Variants in CERT1 observed in about 807,000 individuals in gnomAD.
The protein encoded by CERT1 is ceramide transporter 1.
Under a neutral mutation model 87.9 loss-of-function variants are expected in CERT1, and 31 were observed. The observed-to-expected ratio is 0.35, with a 90% CI of 0.27 to 0.48. The LOEUF is 0.48. Among genes scored for constraint, CERT1 ranks in the 20% least tolerant of loss-of-function variants. The pLI, the probability that CERT1 is intolerant of heterozygous loss-of-function variation, is 0.99. For synonymous variants in CERT1, 289 were observed against 250.9 expected (o/e 1.15, Z -1.44); for missense variants, 487 against 758.0 (o/e 0.64, Z 4.20).
chr5:75,439,744 T>C (rs1027905433), intron 3 of CERT1, among the ~76,000 whole-genome samples: 1 of 152,100 alleles, frequency 6.6e-6, no homozygotes, highest in Admixed American at 6.5e-5. Flanking sequence ...AGGAGCCAGA[T>C]ACAATACCTA....
intron 2 of CERT1, among the ~76,000 whole-genome samples, chr5:75,494,365 G>A (rs994484127): frequency 3.9e-5 from 6 of 152,210 alleles, no homozygotes; most frequent in African/African-American, 1.4e-4. Flanking sequence ...TTGTTGGCCA[G>A]AGTTTGGAAG....
rs1325538344 is a variant in CERT1, at chr5:75,379,297, CAAAT to C, written c.*45_*48del. 4 of 1,496,752 alleles carry C rather than the reference CAAAT, an allele frequency of 2.7e-6. No individual in the cohort carries two copies. Among genetic ancestry groups the C allele is most frequent in the South Asian group, 1.2e-5 (1 of 82,762 alleles). 92.7% of individuals were successfully genotyped at this position (1,496,752 alleles called of 1,614,324 possible). A position where few individuals can be genotyped will look rare whatever the true frequency, so the allele number is the denominator to read the frequency against. On this transcript the variant is annotated 3_prime_UTR_variant, in exon 17 of 17. Transcript: ENST00000643780. ...TTTTAGTATTGACAGTCATATTAGT[CAAAT>C]AAAGTTAAAAAAAGATAAAACATAT...
intron 2 of CERT1, 100 bp downstream of exon 2, chr5:75,505,882 T>C: frequency 1.2e-6 from 1 of 868,750 alleles, no homozygotes; most frequent in Non-Finnish European, 1.8e-6. Context: ...ACAAGGATCT[T>C]TATCTTATCC....
intron 2 of CERT1, among the ~76,000 whole-genome samples, chr5:75,496,467 A>AT (rs1342469932): frequency 6.6e-6 from 1 of 152,200 alleles, no homozygotes; most frequent in Non-Finnish European, 1.5e-5. Flanking sequence ...AATCCCATTC[A>AT]TAGGTATCTA....
Position 75,411,003 on chromosome 5 carries a change from A to G in CERT1, c.930+8T>C. On this transcript the variant is annotated splice_region_variant and intron_variant, in intron 8 of 16. Transcript: ENST00000643780. ...GTGTTTCTCTAAGATCAAAATATAA[A>G]TTCATACTTCATAATCTGGTCCTCC... 6.8e-7 allele frequency: 1 copy of G among 1,467,566 alleles called. No individual in the cohort carries two copies. The highest frequency in any genetic ancestry group is 9.4e-7 in the Non-Finnish European group (1 of 1,065,840). 90.9% of individuals were successfully genotyped at this position (1,467,566 alleles called of 1,614,324 possible). A position where few individuals can be genotyped will look rare whatever the true frequency, so the allele number is the denominator to read the frequency against.
At chr5:75,388,695 G>A (rs1170659941) in intron 12 of CERT1, among the ~76,000 whole-genome samples, 4 of 146,984 alleles carry the variant, frequency 2.7e-5, no homozygotes, top group Non-Finnish European at 6.0e-5. Context: ...GCACAAACGC[G>A]GCTCATTGCA....
chr5:75,499,634 A>G (rs551943917), intron 2 of CERT1, among the ~76,000 whole-genome samples: 2 of 152,326 alleles, frequency 1.3e-5, no homozygotes, highest in East Asian at 3.9e-4. Flanking sequence ...ACTAATACAC[A>G]CAGTTAAGGT....
At chr5:75,438,219 T>C (rs947955399) in intron 3 of CERT1, among the ~76,000 whole-genome samples, 10 of 152,186 alleles carry the variant, frequency 6.6e-5, no homozygotes, top group African/African-American at 2.4e-4. Flanking sequence ...ATCAAAGATA[T>C]CAGTACCTTT....
intron 2 of CERT1, among the ~76,000 whole-genome samples, chr5:75,465,228 G>A (rs886442566): frequency 2.6e-5 from 4 of 152,124 alleles, no homozygotes; most frequent in African/African-American, 9.7e-5. Flanking sequence ...TCAGAAAAAT[G>A]GTTGGCTGAT....
At chr5:75,453,136 A>G (rs1039497586) in intron 3 of CERT1, among the ~76,000 whole-genome samples, 1 of 152,152 alleles carries the variant, frequency 6.6e-6, no homozygotes, top group Non-Finnish European at 1.5e-5. Context: ...GTAGTGAGCA[A>G]CCATTCTAGA....
chr5:75,458,849 C>A (rs770784621), intron 3 of CERT1, among the ~76,000 whole-genome samples: 2 of 151,916 alleles, frequency 1.3e-5, no homozygotes, highest in Admixed American at 6.6e-5. Flanking sequence ...CATGCCCAGC[C>A]GAGTAATATT....
downstream of CERT1, chr5:75,374,137 T>A (rs927167700): frequency 5.3e-6 from 2 of 376,690 alleles, no homozygotes; most frequent in African/African-American, 4.3e-5. Flanking sequence ...AGCATTCAGC[T>A]TTTTTTTTTC....
chr5:75,455,496 T>TA (rs965600414), intron 3 of CERT1, among the ~76,000 whole-genome samples: 1 of 152,162 alleles, frequency 6.6e-6, no homozygotes, highest in African/African-American at 2.4e-5. Flanking sequence ...TAAAATGATT[T>TA]AAAAAATCAT....
At chr5:75,389,570 A>G (rs556534750) in intron 12 of CERT1, 22 bp downstream of exon 12, 38 of 1,588,220 alleles carry the variant, frequency 2.4e-5, no homozygotes, top group Non-Finnish European at 2.9e-5. Context: ...TTGGCAATCT[A>G]TAACATTTCA....
intron 3 of CERT1, among the ~76,000 whole-genome samples, chr5:75,446,926 G>C (rs1038998342): frequency 9.2e-5 from 14 of 152,190 alleles, no homozygotes; most frequent in African/African-American, 3.4e-4. Flanking sequence ...CAGCCAGAGG[G>C]GGAGGGACCT....
At chr5:75,445,067 C>A (rs1455942897) in intron 3 of CERT1, among the ~76,000 whole-genome samples, 1 of 152,102 alleles carries the variant, frequency 6.6e-6, no homozygotes, top group African/African-American at 2.4e-5. Flanking sequence ...CACAAAATTA[C>A]ATCTTTATAT....
intron 14 of CERT1, among the ~76,000 whole-genome samples, chr5:75,383,208 T>C (rs1027036307): frequency 9.9e-5 from 15 of 152,098 alleles, no homozygotes; most frequent in Admixed American, 9.8e-4. Flanking sequence ...GCGAATGTAA[T>C]GTGATTTTCT....
intron 3 of CERT1, among the ~76,000 whole-genome samples, chr5:75,447,581 C>T (rs1764602079): frequency 6.6e-6 from 1 of 151,880 alleles, no homozygotes; most frequent in Admixed American, 6.6e-5. Context: ...TGCCATTCTC[C>T]CGCCTCAGCC....
intron 2 of CERT1, among the ~76,000 whole-genome samples, chr5:75,484,727 T>G (rs564383093): frequency 6.6e-6 from 1 of 151,952 alleles, no homozygotes; most frequent in African/African-American, 2.4e-5. Flanking sequence ...CCCAGATATA[T>G]AAAGCAAATA....
Sources: gnomAD v4.1 joint callset for allele counts (sites outside exome capture counted in the v4.1 genomes callset) on GRCh38, gnomAD v4.1.1 for gene constraint, MANE v1.5 for transcripts, NCBI Gene and HGNC (gene_info 2026-07-23, HGNC 2026-07-21) for gene names.